Variants in PHC3 observed in about 807,000 individuals in gnomAD.
The protein encoded by PHC3 is polyhomeotic-like protein 3.
In PHC3, 13 loss-of-function variants were observed where a neutral mutation model predicts 107.4. The ratio of observed to expected loss-of-function variants is 0.12; its 90% CI spans 0.08 to 0.19. The LOEUF (loss-of-function observed/expected upper bound fraction) is 0.19, where lower values mean the gene tolerates loss of function less well. PHC3 is among the 10% of genes least tolerant of loss of function. The pLI is 1.00. For synonymous variants in PHC3, 456 were observed against 427.4 expected (o/e 1.07, Z -0.83); for missense variants, 992 against 1,210.9 (o/e 0.82, Z 2.68).
intron 11 of PHC3, among the ~76,000 whole-genome samples, chr3:170,110,425 T>C (rs990471513): frequency 2.0e-5 from 3 of 152,230 alleles, no homozygotes; most frequent in African/African-American, 7.2e-5. Flanking sequence ...GTGCGTTTAC[T>C]TAGTGTTCTA....
chr3:170,177,995 T>C (rs1381066318), intron 2 of PHC3, among the ~76,000 whole-genome samples: 1 of 151,882 alleles, frequency 6.6e-6, no homozygotes, highest in African/African-American at 2.4e-5. Flanking sequence ...TAATTAACTT[T>C]GTTGGCTGTT....
chr3:170,152,667 CTTTTTT>C (rs764287369), intron 4 of PHC3, among the ~76,000 whole-genome samples: 8 of 144,386 alleles, frequency 5.5e-5, no homozygotes, highest in African/African-American at 1.8e-4. Flanking sequence ...CACTTTTCTT[CTTTTTT>C]TTTTTGAGAC....
In PHC3 at chr3:170,117,275, G is replaced by A. The variant is rs2108376133; in HGVS notation, c.2144C>T (p.Thr715Ile). Residue 715 changes from threonine to isoleucine, a missense_variant, in exon 10 of 15, where the codon ACC becomes ATC. Physicochemically the swap from Thr to Ile is moderately conservative, Grantham distance 89. This residue lies in a region of PHC3 where 4 missense variants were observed against 21.5 expected (regional missense o/e 0.19). Coordinates refer to ENST00000495893, the MANE Select transcript of PHC3 (RefSeq NM_024947.4). ...PQAIVKPQILTHVIEGFVIQE... is the reference protein window; with the variant it reads ...PQAIVKPQILIHVIEGFVIQE... ...AATCACAAAGCCTTCAATAACATGG[G>A]TTAGGATCTGTGGTTTAACAATAGC... 6.2e-7 allele frequency: 1 copy of A among 1,613,982 alleles called. No homozygotes were observed. The highest frequency in any genetic ancestry group is 8.5e-7 in the Non-Finnish European group (1 of 1,179,862).
intron 4 of PHC3, among the ~76,000 whole-genome samples, chr3:170,159,976 T>G (rs898196663): frequency 6.6e-6 from 1 of 152,230 alleles, no homozygotes; most frequent in African/African-American, 2.4e-5. Flanking sequence ...TTCTTCCACA[T>G]AGCCTTTAAA....
chr3:170,165,082 T>G (rs1038527668), intron 4 of PHC3, among the ~76,000 whole-genome samples: 1 of 152,180 alleles, frequency 6.6e-6, no homozygotes, highest in South Asian at 2.1e-4. Flanking sequence ...AAGGTACTCC[T>G]ATTCCTTCTA....
intron 11 of PHC3, 22 bp from the exon 12 acceptor site, chr3:170,106,968 G>GA (rs748384698): frequency 1.9e-5 from 30 of 1,548,680 alleles, no homozygotes; most frequent in Non-Finnish European, 2.4e-5. Context: ...GGAAACAAAG[G>GA]AAAAAAAGGT....
intron 7 of PHC3, among the ~76,000 whole-genome samples, chr3:170,133,920 A>G (rs902811123): frequency 9.9e-5 from 15 of 152,246 alleles, no homozygotes; most frequent in Non-Finnish European, 1.6e-4. Context: ...TCTGAAAGTA[A>G]CGTTCTCTTT....
intron 12 of PHC3, among the ~76,000 whole-genome samples, chr3:170,105,201 AT>A (rs1377750589): frequency 4.6e-5 from 7 of 152,272 alleles, no homozygotes; most frequent in African/African-American, 1.7e-4. Context: ...CTTTCCCCAA[AT>A]TTTTAGAGTT....
At chr3:170,134,305 T>A (rs954671242) in intron 7 of PHC3, among the ~76,000 whole-genome samples, 4 of 152,050 alleles carry the variant, frequency 2.6e-5, no homozygotes, top group African/African-American at 9.7e-5. Flanking sequence ...TTCTCCTGCC[T>A]CAGCCTCCCA....
chr3:170,146,863 T>G (rs1361164153), intron 5 of PHC3, among the ~76,000 whole-genome samples: 3 of 146,926 alleles, frequency 2.0e-5, no homozygotes, highest in African/African-American at 7.5e-5. Context: ...ACAACTGCCA[T>G]TAATCTATTT....
At chr3:170,156,859 T>C (rs192421152) in intron 4 of PHC3, among the ~76,000 whole-genome samples, 2 of 152,326 alleles carry the variant, frequency 1.3e-5, no homozygotes, top group East Asian at 3.9e-4. Context: ...CCTCCCAAAA[T>C]GCTGGGATTA....
chr3:170,178,366 C>T lies in PHC3; in HGVS notation c.180+407G>A, dbSNP rs375742537. ...CACCGTGGTCTCGATCTCCTGACCT[C>T]GTGATCCGCCCGCCTCGGCCTCCCA... On this transcript the variant is annotated intron_variant, in intron 2 of 14. Transcript: ENST00000495893. 2.7e-4 allele frequency among the ~76,000 whole-genome samples: 41 copies of T among 150,322 alleles called. No homozygotes were observed. The East Asian group carries it at 7.7e-3, about 28-fold the overall frequency.
rs545774447 is a variant in PHC3, at chr3:170,137,052, T to A, written c.673-387A>T. ...ATTATATATGTATGAACTGTGAATA[T>A]GAGGAAATTACTCTGCAACATACTG... is the stretch of plus-strand genomic sequence containing the variant. On this transcript the variant is annotated intron_variant, in intron 6 of 14. Coordinates refer to ENST00000495893, the MANE Select transcript of PHC3 (RefSeq NM_024947.4). 3.9e-5 allele frequency among the ~76,000 whole-genome samples: 6 copies of A among 152,236 alleles called. No individual in the cohort carries two copies. The East Asian group carries it at 1.2e-3, about 29-fold the overall frequency.
intron 6 of PHC3, among the ~76,000 whole-genome samples, chr3:170,143,985 T>C (rs774524971): frequency 3.9e-5 from 6 of 151,918 alleles, no homozygotes. Context: ...TTGCTAAACA[T>C]CATGTTTTTT....
Position 170,129,354 on chromosome 3 carries a change from G to C in PHC3, c.1118C>G (p.Pro373Arg). 1 of 1,613,950 alleles carries C rather than the reference G, an allele frequency of 6.2e-7. No homozygotes were observed. ...TGACTGGGCATTACTGGGAGCTGGA[G>C]GAAGGCCATGGTTCTGGAGTGGTAT... is the stretch of plus-strand genomic sequence containing the variant. The part of the protein sequence containing the change: ...HCIPLQNHGL[P>R]PAPSNAQSQH... The change falls in exon 8 of 15, where the codon CCT becomes CGT. Residue 373 changes from proline (P) to arginine (R), a missense_variant. Pro to Arg is a moderately radical substitution (Grantham distance 103). Coordinates refer to ENST00000495893, the MANE Select transcript of PHC3 (RefSeq NM_024947.4).
chr3:170,139,172 T>G (rs1723631230), intron 6 of PHC3, among the ~76,000 whole-genome samples: 1 of 152,222 alleles, frequency 6.6e-6, no homozygotes, highest in Non-Finnish European at 1.5e-5. Flanking sequence ...GACTCTCATC[T>G]CAACATTCAT....
intron 11 of PHC3, among the ~76,000 whole-genome samples, chr3:170,112,800 A>C (rs1718092801): frequency 1.3e-5 from 2 of 152,210 alleles, no homozygotes; most frequent in Admixed American, 1.3e-4. Context: ...TTGGGATTAC[A>C]GGCATGAGCC....
At chr3:170,159,958 T>C (rs1423382439) in intron 4 of PHC3, among the ~76,000 whole-genome samples, 1 of 152,234 alleles carries the variant, frequency 6.6e-6, no homozygotes, top group Non-Finnish European at 1.5e-5. Flanking sequence ...CCCACAAAGA[T>C]TTAGTTTTTC....
Position 170,097,517 on chromosome 3 carries a change from T to TCTC in PHC3, c.2834-134_2834-133insGAG. On this transcript the variant is annotated intron_variant, in intron 14 of 14. Transcript: ENST00000495893. The surrounding 1 kb of genome is among the most constrained non-coding windows in gnomAD (Gnocchi z 4.1). Reference sequence around the variant, plus strand: ...GGCTGAGAAACAAATGAAATTTATTTATGGTAGTCTTGAGTTCACTCTTGA... The same window carrying TCTC: ...GGCTGAGAAACAAATGAAATTTATTTCTCATGGTAGTCTTGAGTTCACTCTTGA... The TCTC allele has an allele frequency of 1.2e-6, 1 of 859,726 alleles. No individual in the cohort carries two copies. The highest frequency in any genetic ancestry group is 1.7e-6 in the Non-Finnish European group (1 of 602,678). 53.3% of individuals were successfully genotyped at this position (859,726 alleles called of 1,614,324 possible). A position where few individuals can be genotyped will look rare whatever the true frequency, so the allele number is the denominator to read the frequency against.
Sources: allele counts gnomAD v4.1 joint callset (sites outside exome capture counted in the v4.1 genomes callset), GRCh38; gene constraint gnomAD v4.1.1; regional missense constraint gnomAD v4.1.1; non-coding constraint Gnocchi (gnomAD v3.1); transcripts MANE v1.5; gene names NCBI Gene and HGNC (gene_info 2026-07-23, HGNC 2026-07-21).